The following PFKL variants were observed in gnomAD, a reference collection of about 807,000 sequenced individuals.
PFKL encodes phosphofructokinase, liver type.
PFKL carries 74 observed loss-of-function variants against 92.1 expected under a neutral mutation model. The observed-to-expected ratio is 0.80, with a 90% CI of 0.67 to 0.97. The LOEUF (loss-of-function observed/expected upper bound fraction) is 0.97, where lower values mean the gene tolerates loss of function less well. Among genes scored for constraint, PFKL ranks in the 50% least tolerant of loss-of-function variants. The probability of loss-of-function intolerance (pLI) is 0.00; values close to 1 mark genes in which losing one functional copy is unlikely to be tolerated. For synonymous variants in PFKL, 494 were observed against 456.4 expected (o/e 1.08, Z -1.05); for missense variants, 1,028 against 1,116.6 (o/e 0.92, Z 1.13).
At chr21:44,320,037 C>T (rs2047318217) in intron 11 of PFKL, 47 bp from the exon 12 acceptor site, 1 of 1,558,264 alleles carries the variant, frequency 6.4e-7, no homozygotes, top group Non-Finnish European at 8.8e-7. Flanking sequence ...TGGCTGTACG[C>T]CGTGGCGCTG....
chr21:44,319,346 T>G lies in PFKL; in HGVS notation c.1063-5T>G. 1 of 1,613,212 alleles carries G rather than the reference T, an allele frequency of 6.2e-7. No individual in the cohort carries two copies. Among genetic ancestry groups the G allele is most frequent in the South Asian group, 1.1e-5 (1 of 91,078 alleles). On this transcript the variant is annotated splice_region_variant and splice_polypyrimidine_tract_variant and intron_variant, in intron 10 of 21. Transcript: ENST00000349048. ...ATAGTCTGTGTTCTGTTTCTCTTCCTTAAGACCAAGGAAGTGCAGAAAGCC... is the reference window on the plus strand; with the variant it reads ...ATAGTCTGTGTTCTGTTTCTCTTCCGTAAGACCAAGGAAGTGCAGAAAGCC...
Position 44,323,774 on chromosome 21 carries a change from A to AG in PFKL, c.1510dup (p.Val504GlyfsTer50). 3 of 1,612,178 alleles carry AG rather than the reference A, an allele frequency of 1.9e-6. No homozygotes were observed. Among genetic ancestry groups the AG allele is most frequent in the Non-Finnish European group, 2.5e-6 (3 of 1,179,546 alleles). On this transcript the variant is annotated frameshift_variant, in exon 16 of 22. Transcript: ENST00000349048. LOFTEE classifies it high-confidence loss of function. ...CGTCCCTACTGCTGCAGGCCTATGA[A>AG]GGGGTGCTGCAGCTGGTGGAGGCTC...
Position 44,300,063 on chromosome 21 carries a change from A to G in PFKL, c.-43A>G. On this transcript the variant is annotated 5_prime_UTR_variant, in exon 1 of 22. Coordinates refer to ENST00000349048, the MANE Select transcript of PFKL (RefSeq NM_002626.6). ...CGGGGCGGGGACGGCGACGCGGCGC[A>G]GGCGGCGGGAGTGCGAGCTGGGCCC... is the stretch of plus-strand genomic sequence containing the variant. The G allele has an allele frequency of 3.2e-6, 3 of 938,854 alleles. No homozygotes were observed. The highest frequency in any genetic ancestry group is 3.8e-6 in the Non-Finnish European group (3 of 781,426). 58.2% of individuals were successfully genotyped at this position (938,854 alleles called of 1,614,324 possible).
Position 44,319,420 on chromosome 21 carries a change from G to T in PFKL, c.1127+5G>T. The T allele has an allele frequency of 6.2e-7, 1 of 1,612,152 alleles. No individual in the cohort carries two copies. Among genetic ancestry groups the T allele is most frequent in the East Asian group, 2.2e-5 (1 of 44,878 alleles). On this transcript the variant is annotated splice_donor_5th_base_variant and intron_variant, in intron 11 of 21. Coordinates refer to ENST00000349048, the MANE Select transcript of PFKL (RefSeq NM_002626.6). ...GGCCACCCAGCTCCGTGGTGGGTAAGCCCCCTCAGCAGACCCCTGCACTCT... is the reference window on the plus strand; with the variant it reads ...GGCCACCCAGCTCCGTGGTGGGTAATCCCCCTCAGCAGACCCCTGCACTCT...
chr21:44,317,626 C>T (rs2047242760), intron 9 of PFKL, among the ~76,000 whole-genome samples: 1 of 152,196 alleles, frequency 6.6e-6, no homozygotes, highest in South Asian at 2.1e-4. Context: ...GTTGATCGCC[C>T]CTAGCCGCGG....
At chr21:44,310,126 G>A (rs115585164) in intron 2 of PFKL, among the ~76,000 whole-genome samples, 313 of 152,346 alleles carry the variant, frequency 2.1e-3, no homozygotes, top group African/African-American at 7.0e-3. Context: ...TGGAGGGACC[G>A]GGGCTGCACG....
chr21:44,311,976 G>T (rs2047059011), intron 3 of PFKL, 129 bp from the exon 4 acceptor site: 1 of 677,732 alleles, frequency 1.5e-6, no homozygotes. Flanking sequence ...AGAGACCCCG[G>T]GGCTTCTGCC....
In PFKL at chr21:44,323,922, CG is replaced by C. The variant is rs747755349; in HGVS notation, c.1650+8del. On this transcript the variant is annotated splice_donor_5th_base_variant and intron_variant, in intron 16 of 21. Transcript: ENST00000349048. ...TGCTGTAAATGCCGCCATGGAGGTA[CG>C]GGGCTCCTGGACACCGGCCTGCCAT... The C allele has an allele frequency of 6.2e-7, 1 of 1,613,182 alleles. No homozygotes were observed. The highest frequency in any genetic ancestry group is 1.7e-5 in the Admixed American group (1 of 60,014).
chr21:44,320,994 A>G (rs1037409945), intron 12 of PFKL: 1 of 152,206 alleles, frequency 6.6e-6, no homozygotes, highest in Non-Finnish European at 1.5e-5. Context: ...CCCCAGAGCT[A>G]GTCAGCGGGC....
At chr21:44,324,169 C>T (rs1052438838) in intron 16 of PFKL, among the ~76,000 whole-genome samples, 2 of 152,106 alleles carry the variant, frequency 1.3e-5, no homozygotes, top group Admixed American at 1.3e-4. Flanking sequence ...CGGGAATGTC[C>T]CTGCGCCCCA....
At position 44,319,380 on chromosome 21, in the gene PFKL, CAA is replaced by C. The variant is rs765395139; in HGVS notation, c.1093_1094del (p.Lys365GlufsTer3). 8 of 1,613,644 alleles carry C rather than the reference CAA, an allele frequency of 5.0e-6. No homozygotes were observed. The highest frequency in any genetic ancestry group is 2.2e-5 in the East Asian group (1 of 44,902). On this transcript the variant is annotated frameshift_variant, in exon 11 of 22. Transcript: ENST00000349048. LOFTEE classifies it high-confidence loss of function. Reference sequence around the variant, plus strand: ...AGGAAGTGCAGAAAGCCATGGATGACAAGAGGTTTGACGAGGCCACCCAGCTC... The same window carrying C: ...AGGAAGTGCAGAAAGCCATGGATGACGAGGTTTGACGAGGCCACCCAGCTC... Reference protein sequence around the residue: ...TKEVQKAMDDKRFDEATQLRG... With the variant: ...TKEVQKAMDDXRFDEATQLRG...
At chr21:44,306,519 C>G (rs574210742) in intron 1 of PFKL, among the ~76,000 whole-genome samples, 162 bp from the exon 2 acceptor site, 1 of 151,946 alleles carries the variant, frequency 6.6e-6, no homozygotes, top group South Asian at 2.1e-4. Context: ...GACCCTTGCC[C>G]TCTTGAGATG....
intron 19 of PFKL, chr21:44,325,630 G>A: frequency 2.0e-6 from 1 of 493,516 alleles, no homozygotes; most frequent in South Asian, 2.5e-5. Flanking sequence ...CTGAGCCAGG[G>A]AGGGGAGTCA....
rs148807445 is a variant in PFKL at position 44,326,232 on chromosome 21, C to A, written c.2163C>A (p.Pro721=). The A allele has an allele frequency of 1.2e-3, 1,856 of 1,612,490 alleles. 1 individual carries two copies. Among genetic ancestry groups the A allele is most frequent in the Non-Finnish European group, 1.3e-3 (1,541 of 1,179,468 alleles). The change falls in exon 21 of 22, where the codon CCC becomes CCA. Residue 721 remains proline, a synonymous_variant. Transcript: ENST00000349048. The part of the protein sequence containing the change: ...GLKKKAVAFS[P]VTELKKDTDF... ...AGAAGAAGGCGGTGGCCTTCAGCCCCGTCACTGAGCTCAAGAAAGACACTG... is the reference window on the plus strand; with the variant it reads ...AGAAGAAGGCGGTGGCCTTCAGCCCAGTCACTGAGCTCAAGAAAGACACTG...
chr21:44,310,663 C>T (rs532064414), intron 2 of PFKL, among the ~76,000 whole-genome samples: 7 of 152,288 alleles, frequency 4.6e-5, no homozygotes, highest in African/African-American at 1.4e-4. Flanking sequence ...AGGATGCACC[C>T]TCAGGAGCTG....
intron 1 of PFKL, among the ~76,000 whole-genome samples, chr21:44,303,292 T>C (rs1331101894): frequency 6.6e-6 from 1 of 150,642 alleles, no homozygotes; most frequent in Non-Finnish European, 1.5e-5. Context: ...ATGCCTGTAG[T>C]CCCAGCTACT....
At chr21:44,323,971 G>T (rs2047427773) in intron 16 of PFKL, 53 bp downstream of exon 16, 14 of 1,601,768 alleles carry the variant, frequency 8.7e-6, no homozygotes, top group Non-Finnish European at 2.6e-6. Context: ...GTGGGGTGGG[G>T]CTGAGCCTAC....
At chr21:44,305,702 G>A in intron 1 of PFKL, 1 of 1,198,910 alleles carries the variant, frequency 8.3e-7, no homozygotes, top group Non-Finnish European at 1.1e-6. Flanking sequence ...TGAAGTCATG[G>A]ATATCTTTTG....
At chr21:44,314,355 G>A in intron 7 of PFKL, 1 of 306,746 alleles carries the variant, frequency 3.3e-6, no homozygotes, top group Non-Finnish European at 6.1e-6. Context: ...GAGGTGGTTG[G>A]TTGTGAGGGA....
Sources: allele counts gnomAD v4.1 joint callset (sites outside exome capture counted in the v4.1 genomes callset), GRCh38; gene constraint gnomAD v4.1.1; transcripts MANE v1.5; gene names NCBI Gene and HGNC (gene_info 2026-07-23, HGNC 2026-07-21).